VGLL4: variants seen among roughly 807,000 people sequenced by gnomAD.
The protein encoded by VGLL4 is vestigial like family member 4.
Under a neutral mutation model 21.0 loss-of-function variants are expected in VGLL4, and 7 were observed. That is an observed-to-expected ratio of 0.33 (90% CI 0.19 to 0.63). The LOEUF is 0.63. Ranked by LOEUF, VGLL4 falls within the 20% of genes least tolerant of loss-of-function variation. The pLI is 0.78. For missense variants in VGLL4, 394 were observed against 425.7 expected, an observed-to-expected ratio of 0.93 and a Z score of 0.66; for synonymous variants, 222 against 173.2, an observed-to-expected ratio of 1.28 and a Z score of -2.21.
At chr3:11,697,918 C>G (rs2076627120) in intron 2 of VGLL4, among the ~76,000 whole-genome samples, 1 of 152,216 alleles carries the variant, frequency 6.6e-6, no homozygotes, top group South Asian at 2.1e-4. Context: ...CTTGCCACAT[C>G]ACTCACACCA....
At chr3:11,583,102 A>G (rs2074276159) in intron 2 of VGLL4, among the ~76,000 whole-genome samples, 4 of 152,144 alleles carry the variant, frequency 2.6e-5, no homozygotes, top group African/African-American at 9.7e-5. Context: ...TTAAATTTCC[A>G]CCTGCCCACT....
At chr3:11,652,366 C>A (rs1222049642) in intron 2 of VGLL4, among the ~76,000 whole-genome samples, 2 of 152,142 alleles carry the variant, frequency 1.3e-5, no homozygotes, top group Non-Finnish European at 2.9e-5. Context: ...AATGTGCTTT[C>A]ACATAAATTT....
intron 2 of VGLL4, among the ~76,000 whole-genome samples, chr3:11,571,630 G>A (rs888444752): frequency 5.3e-5 from 8 of 152,146 alleles, no homozygotes; most frequent in Non-Finnish European, 1.0e-4. Context: ...CAGAGCCACT[G>A]CACTCCAGCC....
chr3:11,609,882 A>G (rs1559898072), intron 1 of VGLL4, among the ~76,000 whole-genome samples: 1 of 152,212 alleles, frequency 6.6e-6, no homozygotes, highest in Non-Finnish European at 1.5e-5. Flanking sequence ...CTACAGTCAA[A>G]TGTATCTTGC....
chr3:11,596,696 G>A (rs1044504537), intron 2 of VGLL4, among the ~76,000 whole-genome samples: 4 of 152,132 alleles, frequency 2.6e-5, no homozygotes, highest in African/African-American at 7.2e-5. Flanking sequence ...GGTAGCGAAC[G>A]GCCACATGTG....
intron 2 of VGLL4, among the ~76,000 whole-genome samples, chr3:11,674,809 G>A (rs2076267443): frequency 6.6e-6 from 1 of 152,098 alleles, no homozygotes; most frequent in Non-Finnish European, 1.5e-5. Context: ...AAAGGAAGGG[G>A]AGAAATATAA....
intron 1 of VGLL4, among the ~76,000 whole-genome samples, chr3:11,606,956 A>C (rs141074947): frequency 6.6e-6 from 1 of 152,282 alleles, no homozygotes; most frequent in East Asian, 1.9e-4. Flanking sequence ...TCATTCTTGA[A>C]GTCAGCGAGA....
chr3:11,601,752 C>G (rs2074802858), intron 2 of VGLL4, 81 bp downstream of exon 2: 1 of 1,456,474 alleles, frequency 6.9e-7, no homozygotes, highest in Non-Finnish European at 9.5e-7. Flanking sequence ...ATGATAACAT[C>G]AGAATTAGCA....
chr3:11,613,508 C>T (rs2075102669), intron 1 of VGLL4, among the ~76,000 whole-genome samples: 1 of 152,188 alleles, frequency 6.6e-6, no homozygotes, highest in African/African-American at 2.4e-5. Context: ...AAGAATTCAC[C>T]ACGTGCTGCT....
chr3:11,643,332 C>T lies in VGLL4; in HGVS notation c.82+105G>A, dbSNP rs889607988. On this transcript the variant is annotated intron_variant, in intron 1 of 4. Coordinates refer to ENST00000430365, the MANE Select transcript of VGLL4 (RefSeq NM_001128219.3). ...AAACGCCGGCCTTTCAAGTGCCCTACACCCCGGAGGAGGACAGCGGGCGCT... is the reference window on the plus strand; with the variant it reads ...AAACGCCGGCCTTTCAAGTGCCCTATACCCCGGAGGAGGACAGCGGGCGCT... The T allele has an allele frequency of 3.2e-6, 5 of 1,571,460 alleles. No individual in the cohort carries two copies. In the East Asian group the frequency reaches 1.1e-4, roughly 35 times the overall value.
intron 2 of VGLL4, among the ~76,000 whole-genome samples, chr3:11,689,744 T>C (rs1282509339): frequency 2.0e-5 from 3 of 152,238 alleles, no homozygotes; most frequent in East Asian, 1.9e-4. Flanking sequence ...AACGCTCTCC[T>C]GGGGAAGGCC....
At position 11,635,639 on chromosome 3, in the gene VGLL4, T is replaced by C. The variant is rs141698402; in HGVS notation, c.82+7798A>G. Among the ~76,000 whole-genome samples, 108 of 152,352 alleles carry C rather than the reference T, an allele frequency of 7.1e-4. No homozygotes were observed. In the East Asian group the frequency reaches 0.018, roughly 26 times the overall value. On this transcript the variant is annotated intron_variant, in intron 1 of 4. Transcript: ENST00000430365. The stretch of plus-strand genomic sequence containing the variant: ...ATGTCCACTGTGAGTTCTGGAACTT[T>C]ACCTTGTTCCCTACCAGTATCAGCC...
intron 1 of VGLL4, among the ~76,000 whole-genome samples, chr3:11,613,705 C>T (rs948204846): frequency 8.5e-5 from 13 of 152,252 alleles, no homozygotes; most frequent in African/African-American, 2.9e-4. Flanking sequence ...ATCCAACTAC[C>T]GTGAGGGATT....
Position 11,572,471 on chromosome 3 carries a change from G to C in VGLL4, c.273-7452C>G, listed in dbSNP as rs551455590. Among the ~76,000 whole-genome samples, 11 of 152,242 alleles carry C rather than the reference G, an allele frequency of 7.2e-5. No homozygotes were observed. The East Asian group carries it at 1.7e-3, about 24-fold the overall frequency. On this transcript the variant is annotated intron_variant, in intron 2 of 4. Transcript: ENST00000430365. ...TGCTTCGGGCCTTTTCTTTCCTCTGGCCATGATGAAAGCAGCAGAACATGC... is the reference window on the plus strand; with the variant it reads ...TGCTTCGGGCCTTTTCTTTCCTCTGCCCATGATGAAAGCAGCAGAACATGC...
chr3:11,579,594 G>A (rs1268526848), intron 2 of VGLL4, among the ~76,000 whole-genome samples: 4 of 152,106 alleles, frequency 2.6e-5, no homozygotes, highest in Admixed American at 1.3e-4. Context: ...TGAAAAGAAC[G>A]TGGGGGGAGT....
At chr3:11,696,197 A>G (rs1280188557) in intron 2 of VGLL4, among the ~76,000 whole-genome samples, 1 of 152,210 alleles carries the variant, frequency 6.6e-6, no homozygotes, top group African/African-American at 2.4e-5. Flanking sequence ...ATGGGCAGGA[A>G]TGACATCAGT....
At chr3:11,607,656 G>C (rs2074975722) in intron 1 of VGLL4, among the ~76,000 whole-genome samples, 1 of 152,080 alleles carries the variant, frequency 6.6e-6, no homozygotes, top group Non-Finnish European at 1.5e-5. Context: ...GCAGTATAAG[G>C]CTCCAATATC....
chr3:11,704,024 A>G (rs1353718486), intron 1 of VGLL4, among the ~76,000 whole-genome samples: 5 of 151,962 alleles, frequency 3.3e-5, no homozygotes, highest in African/African-American at 1.2e-4. Context: ...CGGGCAGATC[A>G]CTTGAGGTCA....
At chr3:11,626,339 TCAAAA>T in intron 1 of VGLL4, 1 of 456,748 alleles carries the variant, frequency 2.2e-6, no homozygotes, top group Non-Finnish European at 4.4e-6. Flanking sequence ...CCACACAAAG[TCAAAA>T]CAAAACAAGT....
Sources: allele counts gnomAD v4.1 joint callset (sites outside exome capture counted in the v4.1 genomes callset), GRCh38; gene constraint gnomAD v4.1.1; transcripts MANE v1.5; gene names NCBI Gene and HGNC (gene_info 2026-07-23, HGNC 2026-07-21).